GTF2E2: variants seen among roughly 807,000 people sequenced by gnomAD.
The protein encoded by GTF2E2 is transcription initiation factor IIE subunit beta.
Under a neutral mutation model 40.5 loss-of-function variants are expected in GTF2E2, and 21 were observed. The observed-to-expected ratio is 0.52, with a 90% confidence interval of 0.37 to 0.75. The LOEUF is 0.75. Ranked by LOEUF, GTF2E2 falls within the 30% of genes least tolerant of loss-of-function variation. GTF2E2 has a pLI of 0.00. For synonymous variants in GTF2E2, 117 were observed against 121.6 expected, an observed-to-expected ratio of 0.96 and a Z score of 0.25; for missense variants, 298 against 338.4, an observed-to-expected ratio of 0.88 and a Z score of 0.94.
At chr8:30,653,675 C>A in intron 1 of GTF2E2, 73 bp from the exon 2 acceptor site, 2 of 1,024,510 alleles carry the variant, frequency 2.0e-6, no homozygotes, top group Non-Finnish European at 2.9e-6. Flanking sequence ...CCACAGATCT[C>A]AACAAGTTAC....
intron 3 of GTF2E2, among the ~76,000 whole-genome samples, chr8:30,628,624 A>T (rs921634335): frequency 6.6e-6 from 1 of 152,182 alleles, no homozygotes; most frequent in African/African-American, 2.4e-5. Context: ...AGTTTTTATA[A>T]TAAATTGGTA....
At position 30,593,943 on chromosome 8, in the gene GTF2E2, T is replaced by C. The variant is rs188970010; in HGVS notation, c.643+13114A>G. Among the ~76,000 whole-genome samples the C allele has an allele frequency of 2.0e-5, 3 of 152,118 alleles. No homozygotes were observed. The East Asian group carries it at 5.8e-4, about 30-fold the overall frequency. On this transcript the variant is annotated intron_variant, in intron 6 of 7. Transcript: ENST00000355904. ...TATTTATTTTTTATTTTTTTATCTT[T>C]CTTTCGAGATGGAGTCTTGCTCTGT...
chr8:30,641,650 G>A (rs1247297397), intron 2 of GTF2E2, among the ~76,000 whole-genome samples: 3 of 152,180 alleles, frequency 2.0e-5, no homozygotes, highest in African/African-American at 7.2e-5. Flanking sequence ...GCCAAGGTGG[G>A]TGGATTACCT....
chr8:30,647,053 T>C (rs1254426101), intron 2 of GTF2E2, among the ~76,000 whole-genome samples: 3 of 106,646 alleles, frequency 2.8e-5, no homozygotes, highest in Non-Finnish European at 6.0e-5. Flanking sequence ...AAGTAAAAAA[T>C]AAATTCACCA....
chr8:30,622,391 G>A (rs769599665), intron 3 of GTF2E2, among the ~76,000 whole-genome samples: 40 of 151,790 alleles, frequency 2.6e-4, no homozygotes, highest in Non-Finnish European at 4.9e-4. Flanking sequence ...GGGAGGGAGT[G>A]TACAAATAGG....
chr8:30,645,638 A>G (rs1166670074), intron 2 of GTF2E2: 1 of 1,488,262 alleles, frequency 6.7e-7, no homozygotes, highest in Non-Finnish European at 8.9e-7. Flanking sequence ...AAGCAGCTCA[A>G]CCTCTTCTGA....
Position 30,614,646 on chromosome 8 carries a change from C to T in GTF2E2, c.328G>A (p.Asp110Asn), listed in dbSNP as rs1290266796. The T allele has an allele frequency of 6.2e-7, 1 of 1,606,728 alleles. No individual in the cohort carries two copies. The highest frequency in any genetic ancestry group is 1.7e-5 in the Admixed American group (1 of 59,962). ...CATTGTTTCTGCTTGAGTCCAATAT[C>T]TAAATGTTGTGTTTCATCCAAAATT... The part of the protein sequence containing the change: ...DEILDETQHL[D>N]IGLKQKQWLM... The change falls in exon 4 of 8, where the codon GAT (aspartate) becomes AAT (asparagine). Residue 110 changes from aspartate (D) to asparagine (N), a missense_variant. Transcript: ENST00000355904.
chr8:30,634,800 T>C (rs1332945102), intron 3 of GTF2E2, among the ~76,000 whole-genome samples: 1 of 152,234 alleles, frequency 6.6e-6, no homozygotes, highest in African/African-American at 2.4e-5. Flanking sequence ...GAGCTTAAAC[T>C]GTACCCTTGA....
intron 3 of GTF2E2, among the ~76,000 whole-genome samples, chr8:30,615,743 T>G (rs992632414): frequency 1.1e-4 from 17 of 152,210 alleles, no homozygotes; most frequent in Admixed American, 5.2e-4. Context: ...GTACAGCTAC[T>G]GTGGAAGACA....
At chr8:30,579,159 C>T in intron 7 of GTF2E2, 122 bp from the exon 8 acceptor site, 1 of 686,962 alleles carries the variant, frequency 1.5e-6, no homozygotes. Context: ...CCTTCTCCTG[C>T]TCTGCCACCC....
At chr8:30,648,979 A>G (rs1802189482) in intron 2 of GTF2E2, among the ~76,000 whole-genome samples, 1 of 152,188 alleles carries the variant, frequency 6.6e-6, no homozygotes, top group African/African-American at 2.4e-5. Context: ...GAAATTCGCT[A>G]CCCAATACCT....
intron 2 of GTF2E2, among the ~76,000 whole-genome samples, chr8:30,649,036 G>C (rs1802191064): frequency 6.6e-6 from 1 of 152,178 alleles, no homozygotes; most frequent in Non-Finnish European, 1.5e-5. Context: ...CAGGTCAAAG[G>C]CTCAAGTGGC....
At chr8:30,631,130 T>G (rs1397128185) in intron 3 of GTF2E2, among the ~76,000 whole-genome samples, 1 of 152,144 alleles carries the variant, frequency 6.6e-6, no homozygotes, top group Non-Finnish European at 1.5e-5. Flanking sequence ...CAGGCTCATG[T>G]GATTCTCAGC....
chr8:30,641,785 G>A (rs1801843821), intron 2 of GTF2E2, among the ~76,000 whole-genome samples: 2 of 152,150 alleles, frequency 1.3e-5, no homozygotes, highest in Admixed American at 6.5e-5. Context: ...GCTGAGGCAG[G>A]AGAATCACTT....
At position 30,658,143 on chromosome 8, in the gene GTF2E2, T is replaced by TGGCGGCGGTGGCGGC. The variant is rs1554565385; in HGVS notation, c.-176_-175insGCCGCCACCGCCGCC. 5.4e-6 allele frequency: 1 copy of TGGCGGCGGTGGCGGC among 185,624 alleles called. No homozygotes were observed. The highest frequency in any genetic ancestry group is 8.4e-5 in the South Asian group (1 of 11,864). The allele number at this position is 185,624 out of a possible 1,614,324, so 11.5% of individuals were successfully genotyped here. On this transcript the variant is annotated 5_prime_UTR_variant, in exon 1 of 8. Transcript: ENST00000355904. ...CAGGTCGGGGTCTCACCACTGGCGG[T>TGGCGGCGGTGGCGGC]GGCGGCGGCGGCGGCGGCAGCGGCG...
intron 6 of GTF2E2, among the ~76,000 whole-genome samples, chr8:30,599,095 GA>G (rs1829096020): frequency 6.6e-6 from 1 of 152,164 alleles, no homozygotes; most frequent in African/African-American, 2.4e-5. Flanking sequence ...AGGACATGAA[GA>G]AATAAGATTC....
chr8:30,581,140 A>C lies in GTF2E2; in HGVS notation c.644-744T>G, dbSNP rs556498196. On this transcript the variant is annotated intron_variant, in intron 6 of 7. Transcript: ENST00000355904. ...TCACTGGTTTCACTTAATTATCAGA[A>C]GCTACTTTCAGACACAAAATCCTAA... Among the ~76,000 whole-genome samples, 11 of 152,340 alleles carry C rather than the reference A, an allele frequency of 7.2e-5. 2 individuals are homozygous for C. The highest frequency in any genetic ancestry group is 2.6e-4 in the African/African-American group (11 of 41,584).
At chr8:30,631,631 T>C (rs1801440416) in intron 3 of GTF2E2, among the ~76,000 whole-genome samples, 1 of 152,234 alleles carries the variant, frequency 6.6e-6, no homozygotes, top group Non-Finnish European at 1.5e-5. Context: ...TTCTACCTTC[T>C]ACTGACAAAA....
chr8:30,657,578 A>T (rs1802485306), intron 1 of GTF2E2: 1 of 152,128 alleles, frequency 6.6e-6, no homozygotes, highest in South Asian at 2.1e-4. Flanking sequence ...CACAAACCAA[A>T]TCTCCAAAAG....
Sources: gnomAD v4.1 joint callset for allele counts (sites outside exome capture counted in the v4.1 genomes callset) on GRCh38, gnomAD v4.1.1 for gene constraint, MANE v1.5 for transcripts, NCBI Gene and HGNC (gene_info 2026-07-23, HGNC 2026-07-21) for gene names.